MDGA1: variants seen among roughly 807,000 people sequenced by gnomAD.
The protein encoded by MDGA1 is MAM domain containing glycosylphosphatidylinositol anchor 1.
Under a neutral mutation model 101.5 loss-of-function variants are expected in MDGA1, and 54 were observed. That is an observed-to-expected ratio of 0.53 (90% CI 0.43 to 0.67). MDGA1 has a LOEUF of 0.67. MDGA1 is among the 30% of genes least tolerant of loss of function. The pLI is 0.00. For missense variants in MDGA1, 1,083 were observed against 1,323.8 expected (o/e 0.82, Z 2.82); for synonymous variants, 533 against 558.3 (o/e 0.95, Z 0.64).
chr6:37,640,622 C>T (rs1001339633), intron 14 of MDGA1, among the ~76,000 whole-genome samples: 1 of 152,068 alleles, frequency 6.6e-6, no homozygotes, highest in Non-Finnish European at 1.5e-5. Context: ...TGAACAGGCC[C>T]TTTTCAAAAG....
In MDGA1 at chr6:37,631,722, T is replaced by C. The variant is rs999140074; in HGVS notation, c.*5646A>G. 6.6e-6 allele frequency: 1 copy of C among 152,232 alleles called. No individual in the cohort carries two copies. The highest frequency in any genetic ancestry group is 1.5e-5 in the Non-Finnish European group (1 of 67,992). The allele number at this position is 152,232 out of a possible 1,614,324, so 9.4% of individuals were successfully genotyped here. On this transcript the variant is annotated 3_prime_UTR_variant, in exon 17 of 17. Coordinates refer to ENST00000434837, the MANE Select transcript of MDGA1 (RefSeq NM_153487.4). ...GTAGATGTTTGAAATAAGTGACCTT[T>C]AAGGACCTCCTAGCTCTGAAATTCT...
At chr6:37,650,875 G>GA (rs935401906) in intron 7 of MDGA1, among the ~76,000 whole-genome samples, 20 of 152,116 alleles carry the variant, frequency 1.3e-4, no homozygotes, top group Admixed American at 3.9e-4. Flanking sequence ...TAGCCACCCA[G>GA]AAAAAAGAGT....
intron 9 of MDGA1, 92 bp downstream of exon 9, chr6:37,648,890 C>T: frequency 6.8e-7 from 1 of 1,462,270 alleles, no homozygotes; most frequent in Admixed American, 2.5e-5. Context: ...CCAGCAGGCC[C>T]ACCCAGGCAA....
At chr6:37,649,811 T>TC in intron 8 of MDGA1, 1 of 616,588 alleles carries the variant, frequency 1.6e-6, no homozygotes, top group East Asian at 3.3e-5. Flanking sequence ...AGACAGTGTT[T>TC]CCCTTGAGTG....
intron 2 of MDGA1, among the ~76,000 whole-genome samples, chr6:37,660,820 C>G (rs1398939013): frequency 1.3e-5 from 2 of 152,118 alleles, no homozygotes; most frequent in African/African-American, 4.8e-5. Flanking sequence ...CAGGTTTGTA[C>G]TCAGTGGGAT....
In MDGA1 at chr6:37,637,145, G is replaced by C. The variant is rs902472092; in HGVS notation, c.*223C>G. 1 of 519,454 alleles carries C rather than the reference G, an allele frequency of 1.9e-6. No individual in the cohort carries two copies. Among genetic ancestry groups the C allele is most frequent in the African/African-American group, 1.9e-5 (1 of 51,972 alleles). 32.2% of individuals were successfully genotyped at this position (519,454 alleles called of 1,614,324 possible). On this transcript the variant is annotated 3_prime_UTR_variant, in exon 17 of 17. Coordinates refer to ENST00000434837, the MANE Select transcript of MDGA1 (RefSeq NM_153487.4). ...CTTTAATATATCTCTGTGTGTGTGA[G>C]CATGAGTGTGTGCGTGTGTGCAAGT...
intron 1 of MDGA1, among the ~76,000 whole-genome samples, chr6:37,670,213 G>A (rs1256238225): frequency 6.6e-6 from 1 of 152,216 alleles, no homozygotes. Flanking sequence ...TGACCAAATA[G>A]TATGTGCTGT....
At chr6:37,673,593 C>T (rs1581618439) in intron 1 of MDGA1, among the ~76,000 whole-genome samples, 1 of 152,158 alleles carries the variant, frequency 6.6e-6, no homozygotes, top group African/African-American at 2.4e-5. Context: ...GGAAAATTAG[C>T]CCTGCCCTTC....
chr6:37,638,152 C>A lies in MDGA1; in HGVS notation c.2776+53G>T. 1 of 1,489,688 alleles carries A rather than the reference C, an allele frequency of 6.7e-7. No individual in the cohort carries two copies. The highest frequency in any genetic ancestry group is 9.3e-7 in the Non-Finnish European group (1 of 1,069,578). 92.3% of individuals were successfully genotyped at this position (1,489,688 alleles called of 1,614,324 possible). ...CTCCCTCAACAGACAGGAACCCCCG[C>A]CACGCACAGCTCCCTCCAGATTCAG... On this transcript the variant is annotated intron_variant, in intron 16 of 16. Coordinates refer to ENST00000434837, the MANE Select transcript of MDGA1 (RefSeq NM_153487.4). The surrounding 1 kb of genome is among the most constrained non-coding windows in gnomAD (Gnocchi z 4.8).
At chr6:37,649,365 GC>G in intron 8 of MDGA1, 99 bp from the exon 9 acceptor site, 1 of 1,388,224 alleles carries the variant, frequency 7.2e-7, no homozygotes, top group South Asian at 1.6e-5. Flanking sequence ...AATGCCGTGA[GC>G]CCCCGCCAGG....
intron 3 of MDGA1, among the ~76,000 whole-genome samples, chr6:37,657,733 C>T (rs1297421340): frequency 6.6e-6 from 1 of 152,190 alleles, no homozygotes. Context: ...AAAGGATTAC[C>T]CGTGGAGAGC....
intron 14 of MDGA1, among the ~76,000 whole-genome samples, chr6:37,641,505 G>A (rs996393329): frequency 3.3e-5 from 5 of 152,108 alleles, no homozygotes; most frequent in African/African-American, 1.2e-4. Context: ...GCACCCCCAG[G>A]CTAATGCCTC....
intron 1 of MDGA1, among the ~76,000 whole-genome samples, chr6:37,672,706 G>C (rs9462349): frequency 6.6e-6 from 1 of 152,092 alleles, no homozygotes; most frequent in African/African-American, 2.4e-5. Context: ...TACAGAATTG[G>C]GATCTGTGTT....
At chr6:37,692,659 T>C (rs1367170423) in intron 1 of MDGA1, among the ~76,000 whole-genome samples, 1 of 151,484 alleles carries the variant, frequency 6.6e-6, no homozygotes, top group Admixed American at 6.6e-5. Context: ...GCTCCCTCCA[T>C]TCTCCCTACA....
rs1289941800 is a variant in MDGA1 at position 37,652,467 on chromosome 6, C to T, written c.983-127G>A. The stretch of plus-strand genomic sequence containing the variant: ...TTCTGGGGATAGGGGGCTACAACTC[C>T]CCCAGGTGAAACTATCACTTTTCTC... On this transcript the variant is annotated intron_variant, in intron 6 of 16. Coordinates refer to ENST00000434837, the MANE Select transcript of MDGA1 (RefSeq NM_153487.4). This position sits in a 1 kb window ranked among gnomAD's most constrained non-coding sequence, Gnocchi z 4.3. 7 of 633,884 alleles carry T rather than the reference C, an allele frequency of 1.1e-5. No individual in the cohort carries two copies. The highest frequency in any genetic ancestry group is 1.9e-5 in the Non-Finnish European group (7 of 369,816). The allele number at this position is 633,884 out of a possible 1,614,324, so 39.3% of individuals were successfully genotyped here.
rs1762451287 is a variant in MDGA1, at chr6:37,697,737, CAA to C, written c.-928_-927del. The C allele has an allele frequency of 6.7e-6, 1 of 149,796 alleles. No individual in the cohort carries two copies. The highest frequency in any genetic ancestry group is 2.1e-4 in the South Asian group (1 of 4,820). 9.3% of individuals were successfully genotyped at this position (149,796 alleles called of 1,614,324 possible). On this transcript the variant is annotated 5_prime_UTR_variant, in exon 1 of 17. Coordinates refer to ENST00000434837, the MANE Select transcript of MDGA1 (RefSeq NM_153487.4). The stretch of plus-strand genomic sequence containing the variant: ...GGGAGAGCGGGGCTACGCCGCGCCC[CAA>C]GTTGGTCGTCCCCGCCCCCGCCCGG...
At chr6:37,684,858 T>C (rs1225133438) in intron 1 of MDGA1, among the ~76,000 whole-genome samples, 1 of 152,198 alleles carries the variant, frequency 6.6e-6, no homozygotes, top group South Asian at 2.1e-4. Context: ...GAAGGTAACC[T>C]GGCCTCCTCA....
At chr6:37,650,499 G>A in intron 7 of MDGA1, 94 bp from the exon 8 acceptor site, 1 of 1,292,826 alleles carries the variant, frequency 7.7e-7, no homozygotes, top group Non-Finnish European at 1.0e-6. Flanking sequence ...CTCCCGCTAG[G>A]GGCAAGCCTC....
chr6:37,642,408 G>A (rs1421170352), intron 14 of MDGA1, among the ~76,000 whole-genome samples: 2 of 151,900 alleles, frequency 1.3e-5, no homozygotes, highest in East Asian at 1.9e-4. Context: ...TTGATCTCAG[G>A]TGTCCCGCCC....
Sources: allele counts gnomAD v4.1 joint callset (sites outside exome capture counted in the v4.1 genomes callset), GRCh38; gene constraint gnomAD v4.1.1; non-coding constraint Gnocchi (gnomAD v3.1); transcripts MANE v1.5; gene names NCBI Gene and HGNC (gene_info 2026-07-23, HGNC 2026-07-21).